EPHA7: variants seen among roughly 807,000 people sequenced by gnomAD.
The protein encoded by EPHA7 is ephrin type-A receptor 7.
EPHA7 carries 25 observed loss-of-function variants against 112.6 expected under a neutral mutation model. That is an observed-to-expected ratio of 0.22 (90% confidence interval 0.16 to 0.31). The LOEUF (loss-of-function observed/expected upper bound fraction) is 0.31, where lower values mean the gene tolerates loss of function less well. Among genes scored for constraint, EPHA7 ranks in the 10% least tolerant of loss-of-function variants. The pLI is 1.00. For missense variants in EPHA7, 962 were observed against 1,212.6 expected (o/e 0.79, Z 3.07); for synonymous variants, 437 against 406.5 (o/e 1.07, Z -0.90).
intron 5 of EPHA7, among the ~76,000 whole-genome samples, chr6:93,312,243 T>C (rs73530397): frequency 2.2e-4 from 34 of 152,334 alleles, no homozygotes; most frequent in African/African-American, 8.2e-4. Context: ...AAGTTCTAGA[T>C]GGCATCATTT....
At position 93,402,640 on chromosome 6, in the gene EPHA7, T is replaced by C. The variant is rs199808925; in HGVS notation, c.832+7861A>G. Among the ~76,000 whole-genome samples the C allele has an allele frequency of 7.2e-5, 11 of 152,180 alleles. No individual in the cohort carries two copies. In the East Asian group the frequency reaches 1.5e-3, roughly 21 times the overall value. ...ATAGGAGAAAAATGTTTTGACATAA[T>C]ATGGAATTTATGTAATTTCCCACTT... On this transcript the variant is annotated intron_variant, in intron 3 of 16. Transcript: ENST00000369303.
chr6:93,348,894 A>ACAAC (rs1554184542), intron 5 of EPHA7, among the ~76,000 whole-genome samples: 1 of 151,414 alleles, frequency 6.6e-6, no homozygotes, highest in Admixed American at 6.6e-5. Context: ...ATTTTCCCCT[A>ACAAC]ATGAAGCCTA....
At chr6:93,351,331 C>T (rs1775683535) in intron 5 of EPHA7, among the ~76,000 whole-genome samples, 1 of 151,952 alleles carries the variant, frequency 6.6e-6, no homozygotes, top group Non-Finnish European at 1.5e-5. Context: ...GTCCTGCTTG[C>T]TTCCCTTCTC....
At position 93,254,732 on chromosome 6, in the gene EPHA7, G is replaced by A. The variant is rs145700620; in HGVS notation, c.2447C>T (p.Ala816Val). Residue 816 changes from alanine (A) to valine (V), a missense_variant, in exon 14 of 17, where the codon GCC becomes GTC. Physicochemically the swap from Ala to Val is moderately conservative, Grantham distance 64 (BLOSUM62 0). This residue lies in a region of EPHA7 where 746 missense variants were observed against 889.2 expected (regional missense o/e 0.84). Coordinates refer to ENST00000369303, the MANE Select transcript of EPHA7 (RefSeq NM_004440.4). ...TATTCCATAGCTCCATACATCACTGGCTGATGTGAATTTCCGGTACTGGAT... is the reference window on the plus strand; with the variant it reads ...TATTCCATAGCTCCATACATCACTGACTGATGTGAATTTCCGGTACTGGAT... ...EAIQYRKFTS[A>V]SDVWSYGIVM... 1.2e-6 allele frequency: 2 copies of A among 1,612,892 alleles called. No homozygotes were observed. Among genetic ancestry groups the A allele is most frequent in the Non-Finnish European group, 1.7e-6 (2 of 1,179,242 alleles).
At chr6:93,405,813 G>GTGTATATATATATA (rs1357089640) in intron 3 of EPHA7, among the ~76,000 whole-genome samples, 3 of 73,984 alleles carry the variant, frequency 4.1e-5, no homozygotes, top group East Asian at 1.2e-3. Context: ...GTGTGTGTGT[G>GTGTATATATATATA]TATATATATA....
At chr6:93,344,449 T>C (rs563624279) in intron 5 of EPHA7, among the ~76,000 whole-genome samples, 1 of 151,752 alleles carries the variant, frequency 6.6e-6, no homozygotes, top group Admixed American at 6.6e-5. Context: ...AGTAATTTTT[T>C]CCAAACATAA....
intron 5 of EPHA7, among the ~76,000 whole-genome samples, chr6:93,348,467 T>A (rs1775519838): frequency 6.6e-6 from 1 of 151,888 alleles, no homozygotes; most frequent in African/African-American, 2.4e-5. Context: ...ATAAATTAAT[T>A]ATATTTTCAA....
At chr6:93,310,681 C>G (rs1195034952) in intron 5 of EPHA7, among the ~76,000 whole-genome samples, 2 of 151,544 alleles carry the variant, frequency 1.3e-5, no homozygotes, top group South Asian at 4.2e-4. Context: ...AAAAAAGTTA[C>G]GTTTACATTA....
In EPHA7 at chr6:93,366,655, CT is replaced by C. The variant is rs774433473; in HGVS notation, c.833-8245del. ...GCTGTCCTGCATCCACACGGCACCC[CT>C]GATGGTGTCTGATTCTTGTCAGAGA... On this transcript the variant is annotated intron_variant, in intron 3 of 16. Transcript: ENST00000369303. Among the ~76,000 whole-genome samples the C allele has an allele frequency of 1.3e-4, 20 of 152,248 alleles. 1 individual carries two copies. The highest frequency in any genetic ancestry group is 2.5e-4 in the Non-Finnish European group (17 of 68,026).
chr6:93,251,476 T>A (rs1184133139), intron 14 of EPHA7, among the ~76,000 whole-genome samples: 1 of 149,874 alleles, frequency 6.7e-6, no homozygotes, highest in East Asian at 2.0e-4. Flanking sequence ...CTTTCTTACG[T>A]TATTTTTTTA....
At chr6:93,394,927 CTAA>C (rs1393255899) in intron 3 of EPHA7, among the ~76,000 whole-genome samples, 1 of 151,626 alleles carries the variant, frequency 6.6e-6, no homozygotes, top group Non-Finnish European at 1.5e-5. Context: ...TTCATTTCTG[CTAA>C]TATTAATATT....
intron 16 of EPHA7, 95 bp downstream of exon 16, chr6:93,245,203 T>A: frequency 8.4e-7 from 1 of 1,188,482 alleles, no homozygotes; most frequent in Non-Finnish European, 1.2e-6. Context: ...ATTTTGGGAT[T>A]CAAATTCTTT....
At chr6:93,325,238 A>G (rs1774261019) in intron 5 of EPHA7, among the ~76,000 whole-genome samples, 1 of 151,402 alleles carries the variant, frequency 6.6e-6, no homozygotes, top group African/African-American at 2.4e-5. Flanking sequence ...TTCAGAAACA[A>G]TTGGTCCTAA....
intron 3 of EPHA7, among the ~76,000 whole-genome samples, chr6:93,370,864 G>A (rs760935342): frequency 6.6e-6 from 1 of 151,502 alleles, no homozygotes; most frequent in Non-Finnish European, 1.5e-5. Flanking sequence ...AAGCACAGTC[G>A]GCAAGGCGCG....
chr6:93,304,523 T>A (rs1246250651), intron 5 of EPHA7, among the ~76,000 whole-genome samples: 28 of 152,074 alleles, frequency 1.8e-4, no homozygotes. Flanking sequence ...ATAAAAAGAT[T>A]GATTATATCT....
At chr6:93,385,822 T>C (rs1053860155) in intron 3 of EPHA7, among the ~76,000 whole-genome samples, 2 of 152,178 alleles carry the variant, frequency 1.3e-5, no homozygotes, top group African/African-American at 2.4e-5. Context: ...AGAGGTTTAA[T>C]TGACTCACAG....
At chr6:93,283,290 T>A (rs1771865805) in intron 5 of EPHA7, among the ~76,000 whole-genome samples, 1 of 152,048 alleles carries the variant, frequency 6.6e-6, no homozygotes, top group Admixed American at 6.6e-5. Flanking sequence ...AACACACCAA[T>A]CAGCACCCTG....
At chr6:93,324,430 T>A (rs899600673) in intron 5 of EPHA7, among the ~76,000 whole-genome samples, 4 of 151,384 alleles carry the variant, frequency 2.6e-5, no homozygotes, top group African/African-American at 9.7e-5. Flanking sequence ...TAAACCGTTA[T>A]TAGATTTTTG....
intron 5 of EPHA7, among the ~76,000 whole-genome samples, chr6:93,297,517 G>GAAAGAA (rs1338191388): frequency 6.6e-6 from 1 of 152,134 alleles, no homozygotes; most frequent in East Asian, 1.9e-4. Flanking sequence ...CCTTTTCTTT[G>GAAAGAA]ATGTCTCATT....
Sources: allele counts gnomAD v4.1 joint callset (sites outside exome capture counted in the v4.1 genomes callset), GRCh38; gene constraint gnomAD v4.1.1; regional missense constraint gnomAD v4.1.1; transcripts MANE v1.5; gene names NCBI Gene and HGNC (gene_info 2026-07-23, HGNC 2026-07-21).